The following ME3 variants were observed in gnomAD, a reference collection of about 807,000 sequenced individuals.
The protein encoded by ME3 is malic enzyme 3, also known as NADP-dependent malic enzyme, mitochondrial.
In ME3, 48 loss-of-function variants were observed where a neutral mutation model predicts 68.9. The observed-to-expected ratio is 0.70, with a 90% CI of 0.55 to 0.89. The LOEUF (loss-of-function observed/expected upper bound fraction) is 0.89, where lower values mean the gene tolerates loss of function less well. Among genes scored for constraint, ME3 ranks in the 40% least tolerant of loss-of-function variants. The pLI is 0.00. For missense variants in ME3, 675 were observed against 797.4 expected (o/e 0.85, Z 1.85); for synonymous variants, 320 against 318.8 (o/e 1.00, Z -0.04).
At chr11:86,514,992 A>G (rs1356960694) in intron 4 of ME3, among the ~76,000 whole-genome samples, 1 of 152,210 alleles carries the variant, frequency 6.6e-6, no homozygotes, top group Admixed American at 6.5e-5. Context: ...TTTAGCTAGA[A>G]TCATCCATTT....
chr11:86,590,239 C>T (rs778626758), intron 2 of ME3, among the ~76,000 whole-genome samples: 4 of 152,184 alleles, frequency 2.6e-5, no homozygotes, highest in Non-Finnish European at 5.9e-5. Context: ...ACTTACGTTG[C>T]ACCTATCTAC....
chr11:86,519,414 G>A (rs1393629041), intron 4 of ME3, among the ~76,000 whole-genome samples: 2 of 152,198 alleles, frequency 1.3e-5, no homozygotes, highest in East Asian at 1.9e-4. Flanking sequence ...ATCTCGGCCT[G>A]TAGAAGAGTG....
chr11:86,568,539 C>T (rs1957611021), intron 2 of ME3, among the ~76,000 whole-genome samples: 1 of 152,238 alleles, frequency 6.6e-6, no homozygotes, highest in Admixed American at 6.5e-5. Context: ...CCCATGGGCT[C>T]AGCCATGCCC....
At chr11:86,567,310 T>A (rs1355863716) in intron 2 of ME3, among the ~76,000 whole-genome samples, 1 of 152,070 alleles carries the variant, frequency 6.6e-6, no homozygotes, top group African/African-American at 2.4e-5. Context: ...GTTAGACTCC[T>A]TGGCTACTCC....
chr11:86,566,518 T>C (rs1172516015), intron 2 of ME3, among the ~76,000 whole-genome samples: 4 of 152,198 alleles, frequency 2.6e-5, no homozygotes, highest in Non-Finnish European at 5.9e-5. Flanking sequence ...AACCCATATA[T>C]TGATTATCCT....
intron 2 of ME3, among the ~76,000 whole-genome samples, chr11:86,596,981 C>A (rs553629811): frequency 6.6e-6 from 1 of 152,310 alleles, no homozygotes; most frequent in African/African-American, 2.4e-5. Flanking sequence ...AAGCCTCTGA[C>A]AACAGGCAGC....
At chr11:86,525,114 A>G (rs140822952) in intron 4 of ME3, among the ~76,000 whole-genome samples, 207 of 152,336 alleles carry the variant, frequency 1.4e-3, no homozygotes, top group African/African-American at 4.9e-3. Context: ...AGTCAGACAG[A>G]CTTAGACCCA....
chr11:86,440,468 G>A (rs1467554610), downstream of ME3, among the ~76,000 whole-genome samples: 1 of 152,184 alleles, frequency 6.6e-6, no homozygotes, highest in Non-Finnish European at 1.5e-5. Context: ...CCAGAGCCAG[G>A]AAAATGAAAT....
chr11:86,530,753 A>T (rs180698871), intron 4 of ME3, among the ~76,000 whole-genome samples: 25,466 of 152,156 alleles, frequency 0.17, 2,320 homozygotes, highest in African/African-American at 0.24. Flanking sequence ...TGGGGAAAGG[A>T]TTCCCTATTT....
intron 2 of ME3, among the ~76,000 whole-genome samples, chr11:86,652,262 C>A (rs577179850): frequency 6.6e-6 from 1 of 152,010 alleles, no homozygotes; most frequent in African/African-American, 2.4e-5. Context: ...AGATACTCCT[C>A]GAGAAGAGCA....
chr11:86,646,206 G>C (rs982937323), intron 2 of ME3, among the ~76,000 whole-genome samples: 3 of 152,272 alleles, frequency 2.0e-5, no homozygotes, highest in East Asian at 3.9e-4. Context: ...GAATGAGTTT[G>C]AATTGACAGA....
chr11:86,589,876 T>C (rs1458578737), intron 2 of ME3, among the ~76,000 whole-genome samples: 1 of 152,222 alleles, frequency 6.6e-6, no homozygotes, highest in Non-Finnish European at 1.5e-5. Context: ...GCCAAGCTGC[T>C]GCTACTTGGC....
At position 86,593,269 on chromosome 11, in the gene ME3, C is replaced by G. The variant is rs946556846; in HGVS notation, c.184-33446G>C. Among the ~76,000 whole-genome samples, 2 of 118,520 alleles carry G rather than the reference C, an allele frequency of 1.7e-5. 1 individual carries two copies. The highest frequency in any genetic ancestry group is 6.4e-5 in the African/African-American group (2 of 31,404). The allele number at this position is 118,520 out of a possible 152,430, so 77.8% of individuals were successfully genotyped here. On this transcript the variant is annotated intron_variant, in intron 2 of 14. Coordinates refer to ENST00000543262, the Ensembl canonical transcript of ME3. ...ACCGTACAACACGAAACTGTAGGCT[C>G]CCCCTCCAGGAAGTGACAATGTCAT... is the stretch of plus-strand genomic sequence containing the variant.
chr11:86,608,669 A>C (rs550151737), intron 2 of ME3, among the ~76,000 whole-genome samples: 1 of 152,320 alleles, frequency 6.6e-6, no homozygotes, highest in South Asian at 2.1e-4. Context: ...TCTTTCTGTT[A>C]ATTAGAGCAA....
chr11:86,495,913 G>T (rs946116013), intron 6 of ME3, among the ~76,000 whole-genome samples: 1 of 152,142 alleles, frequency 6.6e-6, no homozygotes, highest in African/African-American at 2.4e-5. Context: ...TCCCTGGCTT[G>T]TCATGGTACT....
chr11:86,496,627 G>T (rs1369419233), intron 6 of ME3, among the ~76,000 whole-genome samples: 1 of 152,148 alleles, frequency 6.6e-6, no homozygotes, highest in Non-Finnish European at 1.5e-5. Context: ...AATACTCAGA[G>T]ATAGGGACAA....
At chr11:86,657,983 T>G (rs1946018628) in intron 2 of ME3, among the ~76,000 whole-genome samples, 1 of 152,106 alleles carries the variant, frequency 6.6e-6, no homozygotes, top group African/African-American at 2.4e-5. Flanking sequence ...GTAAGATGAA[T>G]AGCTCTTCTT....
intron 2 of ME3, among the ~76,000 whole-genome samples, chr11:86,652,818 A>G (rs1945551000): frequency 6.6e-6 from 1 of 152,198 alleles, no homozygotes; most frequent in Non-Finnish European, 1.5e-5. Context: ...TAAAGAGTCA[A>G]GACCCATCAG....
exon 14 of ME3, chr11:86,442,880 C>T: frequency 6.2e-7 from 1 of 1,613,432 alleles, no homozygotes; most frequent in Non-Finnish European, 8.5e-7. Context: ...TAGAGTCTCC[C>T]CTGGGACAGA....
Sources: gnomAD v4.1 joint callset for allele counts (sites outside exome capture counted in the v4.1 genomes callset) on GRCh38, gnomAD v4.1.1 for gene constraint, MANE v1.5 for transcripts, NCBI Gene and HGNC (gene_info 2026-07-23, HGNC 2026-07-21) for gene names.